The following TOM1L2 variants were observed in gnomAD, a reference collection of about 807,000 sequenced individuals.
TOM1L2 encodes target of myb1 like 2 membrane trafficking protein.
TOM1L2 carries 31 observed loss-of-function variants against 67.9 expected under a neutral mutation model. That is an observed-to-expected ratio of 0.46 (90% CI 0.34 to 0.62). TOM1L2 has a LOEUF of 0.62. Ranked by LOEUF, TOM1L2 falls within the 20% of genes least tolerant of loss-of-function variation. TOM1L2 has a pLI of 0.01. For synonymous variants in TOM1L2, 256 were observed against 254.0 expected, an observed-to-expected ratio of 1.01 and a Z score of -0.07; for missense variants, 606 against 663.5, an observed-to-expected ratio of 0.91 and a Z score of 0.95.
intron 12 of TOM1L2, chr17:17,860,084 G>A (rs908735679): frequency 4.6e-5 from 7 of 152,340 alleles, no homozygotes; most frequent in African/African-American, 1.7e-4. Flanking sequence ...GGCAGGTCCT[G>A]GACCCAGAGT....
intron 10 of TOM1L2, among the ~76,000 whole-genome samples, chr17:17,865,412 C>T (rs564693493): frequency 4.6e-5 from 7 of 152,164 alleles, no homozygotes; most frequent in African/African-American, 1.4e-4. Context: ...GAGATGGAGT[C>T]GTCCCCCAGG....
intron 1 of TOM1L2, among the ~76,000 whole-genome samples, chr17:17,927,846 G>T (rs1257754065): frequency 1.3e-5 from 2 of 151,820 alleles, no homozygotes; most frequent in Non-Finnish European, 2.9e-5. Context: ...TGTATTCGTG[G>T]TACAGCCAGG....
chr17:17,899,029 A>G (rs1014066862), intron 2 of TOM1L2, among the ~76,000 whole-genome samples: 6 of 152,256 alleles, frequency 3.9e-5, no homozygotes, highest in Admixed American at 3.9e-4. Context: ...CGTAGGGAAG[A>G]GACTCTCTAG....
chr17:17,858,084 G>A (rs555109350), intron 12 of TOM1L2: 11 of 409,058 alleles, frequency 2.7e-5, no homozygotes, highest in South Asian at 1.1e-4. Flanking sequence ...AACTACTCCC[G>A]TGCCCTTGGA....
intron 1 of TOM1L2, among the ~76,000 whole-genome samples, chr17:17,924,099 T>G (rs949313846): frequency 3.3e-5 from 5 of 152,114 alleles, no homozygotes; most frequent in African/African-American, 1.2e-4. Context: ...ATCGCGCCAC[T>G]GCACTCCAGA....
chr17:17,893,071 GT>G (rs1291722972), intron 4 of TOM1L2, among the ~76,000 whole-genome samples: 2 of 152,240 alleles, frequency 1.3e-5, no homozygotes, highest in African/African-American at 4.8e-5. Flanking sequence ...TTGAAGGTAT[GT>G]TTTGAGGTAA....
At chr17:17,955,393 C>G (rs1167505421) in intron 1 of TOM1L2, among the ~76,000 whole-genome samples, 1 of 135,200 alleles carries the variant, frequency 7.4e-6, no homozygotes, top group Non-Finnish European at 1.5e-5. Flanking sequence ...GGCTGGAGTA[C>G]AGTGACGACA....
At position 17,862,769 on chromosome 17, in the gene TOM1L2, G is replaced by T; in HGVS notation, c.1164C>A (p.Ala388=). The T allele has an allele frequency of 6.2e-7, 1 of 1,613,980 alleles. No individual in the cohort carries two copies. The highest frequency in any genetic ancestry group is 8.5e-7 in the Non-Finnish European group (1 of 1,180,030). The part of the protein sequence containing the change: ...CNPRDGFDMF[A]QTRGNSLAEQ... The stretch of plus-strand genomic sequence containing the variant: ...CAGCCAAGGAGTTTCCTCTCGTCTG[G>T]GCAAACATGTCAAAGCCGTCACGGG... The change falls in exon 11 of 15, where the codon GCC becomes GCA. Residue 388 remains alanine (A), a synonymous_variant. Transcript: ENST00000379504.
intron 12 of TOM1L2, among the ~76,000 whole-genome samples, chr17:17,855,962 G>GAA (rs5819629): frequency 6.9e-6 from 1 of 144,778 alleles, no homozygotes; most frequent in Non-Finnish European, 1.5e-5. Context: ...TTGTTGTAAA[G>GAA]AAAAAAAAAA....
At chr17:17,957,453 G>C (rs1483816887) in intron 1 of TOM1L2, among the ~76,000 whole-genome samples, 1 of 152,154 alleles carries the variant, frequency 6.6e-6, no homozygotes, top group African/African-American at 2.4e-5. Flanking sequence ...GATTAACTGG[G>C]AAGGGACCTG....
At chr17:17,898,084 C>A (rs2038665602) in intron 3 of TOM1L2, among the ~76,000 whole-genome samples, 1 of 152,066 alleles carries the variant, frequency 6.6e-6, no homozygotes, top group African/African-American at 2.4e-5. Context: ...TGCCACCATG[C>A]CTGGCTAATT....
rs1207870258 is a variant in TOM1L2, at chr17:17,907,513, G to A, written c.71C>T (p.Ser24Phe). 1 of 1,613,976 alleles carries A rather than the reference G, an allele frequency of 6.2e-7. No homozygotes were observed. The highest frequency in any genetic ancestry group is 2.2e-5 in the East Asian group (1 of 44,880). The part of the protein sequence containing the change: ...GQCLEKATDG[S>F]LQSEDWTLNM... ...CAACGTCCAATCCTCACTTTGCAGG[G>A]AGCCATCTGTTGCCTTTTCTGTGAA... is the stretch of plus-strand genomic sequence containing the variant. Residue 24 changes from serine to phenylalanine, a missense_variant, in exon 2 of 15, where the codon TCC becomes TTC. By Grantham distance (155) the Ser-to-Phe change is radical. Around this residue, in one of 2 missense-constraint regions of TOM1L2, gnomAD observed 63 missense variants for 109.5 expected, o/e 0.58. Coordinates refer to ENST00000379504, the MANE Select transcript of TOM1L2 (RefSeq NM_001082968.2).
intron 1 of TOM1L2, among the ~76,000 whole-genome samples, chr17:17,956,146 C>T (rs752673044): frequency 2.0e-5 from 3 of 152,176 alleles, no homozygotes; most frequent in Non-Finnish European, 2.9e-5. Context: ...GCCTCTGGCC[C>T]CACCCACATC....
Position 17,853,887 on chromosome 17 carries a change from C to T in TOM1L2, c.1279-2935G>A, listed in dbSNP as rs996659360. 6.6e-5 allele frequency among the ~76,000 whole-genome samples: 10 copies of T among 152,208 alleles called. No individual in the cohort carries two copies. In the East Asian group the frequency reaches 1.5e-3, roughly 23 times the overall value. On this transcript the variant is annotated intron_variant, in intron 12 of 14. Transcript: ENST00000379504. ...CAATTTCCTCATCTGTGAAATAAGG[C>T]GATTGCTAGATTGTATTTGGCTTTC...
At chr17:17,922,036 C>T (rs1042628925) in intron 1 of TOM1L2, among the ~76,000 whole-genome samples, 5 of 152,110 alleles carry the variant, frequency 3.3e-5, no homozygotes, top group African/African-American at 9.7e-5. Flanking sequence ...CCAAAGACTT[C>T]CCAGCTCAAT....
intron 7 of TOM1L2, among the ~76,000 whole-genome samples, chr17:17,877,366 G>A (rs929520645): frequency 2.0e-5 from 3 of 152,186 alleles, no homozygotes; most frequent in African/African-American, 7.2e-5. Flanking sequence ...TTGTTTCCAT[G>A]GCCTAGCCAG....
At chr17:17,936,999 T>C (rs1346877025) in intron 1 of TOM1L2, among the ~76,000 whole-genome samples, 1 of 152,204 alleles carries the variant, frequency 6.6e-6, no homozygotes, top group Non-Finnish European at 1.5e-5. Flanking sequence ...TGGCCTCTTG[T>C]ACCCTGCCGT....
At chr17:17,874,844 T>C (rs1463090783) in intron 7 of TOM1L2, among the ~76,000 whole-genome samples, 5 of 152,208 alleles carry the variant, frequency 3.3e-5, no homozygotes, top group African/African-American at 1.2e-4. Context: ...TCCAAAGAGC[T>C]ATGCTAAAGA....
chr17:17,904,778 C>T (rs1157879092), intron 2 of TOM1L2, among the ~76,000 whole-genome samples: 3 of 152,042 alleles, frequency 2.0e-5, no homozygotes, highest in African/African-American at 4.8e-5. Context: ...AGCTTGTATC[C>T]CTTGACACAC....
Sources: allele counts gnomAD v4.1 joint callset (sites outside exome capture counted in the v4.1 genomes callset), GRCh38; gene constraint gnomAD v4.1.1; regional missense constraint gnomAD v4.1.1; transcripts MANE v1.5; gene names NCBI Gene and HGNC (gene_info 2026-07-23, HGNC 2026-07-21).